The following FANCA variants were observed in gnomAD, a reference collection of about 807,000 sequenced individuals.
The protein encoded by FANCA is Fanconi anemia group A protein.
Under a neutral mutation model 194.3 loss-of-function variants are expected in FANCA, and 236 were observed. The ratio of observed to expected loss-of-function variants is 1.21; its 90% CI spans 1.09 to 1.35. FANCA has a LOEUF of 1.35. FANCA is among the 40% of genes most tolerant of loss of function. The pLI, the probability that FANCA is intolerant of heterozygous loss-of-function variation, is 0.00. For missense variants in FANCA, 2,628 were observed against 1,813.9 expected (o/e 1.45, Z -8.15); for synonymous variants, 1,014 against 715.8 (o/e 1.42, Z -6.65).
At chr16:89,769,157 G>C (rs2039234040) in intron 26 of FANCA, among the ~76,000 whole-genome samples, 2 of 152,224 alleles carry the variant, frequency 1.3e-5, no homozygotes, top group South Asian at 2.1e-4. Flanking sequence ...TCCCGCACAG[G>C]GTCTCCGGCA....
chr16:89,778,858 A>G lies in FANCA; in HGVS notation c.1777-8T>C. On this transcript the variant is annotated splice_polypyrimidine_tract_variant and splice_region_variant and intron_variant, in intron 19 of 42. Transcript: ENST00000389301. Reference sequence around the variant, plus strand: ...GTCAGGGACTTTGGGGAGCTGTGGGAAGAGAAGAGACCTGTGAGAGACTGA... The same window carrying G: ...GTCAGGGACTTTGGGGAGCTGTGGGGAGAGAAGAGACCTGTGAGAGACTGA... 1 of 1,614,012 alleles carries G rather than the reference A, an allele frequency of 6.2e-7. No homozygotes were observed.
intron 8 of FANCA, among the ~76,000 whole-genome samples, chr16:89,800,473 C>T (rs562423457): frequency 6.6e-6 from 1 of 152,266 alleles, no homozygotes; most frequent in Non-Finnish European, 1.5e-5. Flanking sequence ...AAATTTGGGA[C>T]GTATCCAAAA....
At position 89,740,157 on chromosome 16, in the gene FANCA, GA is replaced by G. The variant is rs1351452695; in HGVS notation, c.3829-59del. The G allele has an allele frequency of 3.0e-6, 4 of 1,351,156 alleles. No individual in the cohort carries two copies. The East Asian group carries it at 6.9e-5, about 23-fold the overall frequency. The allele number at this position is 1,351,156 out of a possible 1,614,324, so 83.7% of individuals were successfully genotyped here. A position where few individuals can be genotyped will look rare whatever the true frequency, so the allele number is the denominator to read the frequency against. On this transcript the variant is annotated intron_variant, in intron 38 of 42. Coordinates refer to ENST00000389301, the MANE Select transcript of FANCA (RefSeq NM_000135.4). ...GCCGACCTGGTGCTCCCATGGGTAG[GA>G]GGGTACAGCCCTCAGCACAGAAGAG...
chr16:89,808,279 T>C lies in FANCA; in HGVS notation c.596+15A>G. The C allele has an allele frequency of 1.9e-6, 3 of 1,612,564 alleles. No homozygotes were observed. The highest frequency in any genetic ancestry group is 2.5e-6 in the Non-Finnish European group (3 of 1,178,590). On this transcript the variant is annotated intron_variant, in intron 6 of 42. Coordinates refer to ENST00000389301, the MANE Select transcript of FANCA (RefSeq NM_000135.4). ...CTGCAAAAACAGTAACACTGAATCA[T>C]CATTAGCACGCTACCTTTCCAGCAG...
At chr16:89,770,327 C>G in intron 24 of FANCA, 68 bp from the exon 25 acceptor site, 6 of 1,383,896 alleles carry the variant, frequency 4.3e-6, no homozygotes, top group Non-Finnish European at 6.0e-6. Flanking sequence ...AACAGCTAAT[C>G]CAACCACCAG....
intron 33 of FANCA, among the ~76,000 whole-genome samples, chr16:89,747,256 C>G (rs1408001085): frequency 6.6e-6 from 1 of 152,228 alleles, no homozygotes; most frequent in African/African-American, 2.4e-5. Context: ...CCTTCACTAA[C>G]CAAGTGCTGT....
chr16:89,787,761 C>T (rs545769228), intron 14 of FANCA, among the ~76,000 whole-genome samples: 1 of 151,854 alleles, frequency 6.6e-6, no homozygotes, highest in Non-Finnish European at 1.5e-5. Context: ...AAAAACCCCA[C>T]AAATTACATT....
At chr16:89,785,245 G>C (rs980046020) in intron 14 of FANCA, among the ~76,000 whole-genome samples, 1 of 152,212 alleles carries the variant, frequency 6.6e-6, no homozygotes, top group African/African-American at 2.4e-5. Flanking sequence ...TGACTGAAGA[G>C]ATATCTAAAA....
At position 89,739,474 on chromosome 16, in the gene FANCA, G is replaced by A. The variant is rs1206285832; in HGVS notation, c.4010+4C>T. 2 of 1,551,520 alleles carry A rather than the reference G, an allele frequency of 1.3e-6. No homozygotes were observed. Among genetic ancestry groups the A allele is most frequent in the South Asian group, 2.4e-5 (2 of 84,198 alleles). On this transcript the variant is annotated splice_donor_region_variant and intron_variant, in intron 40 of 42. Coordinates refer to ENST00000389301, the MANE Select transcript of FANCA (RefSeq NM_000135.4). The stretch of plus-strand genomic sequence containing the variant: ...GCCCTGACCAGCCCTGTGGGTGGAG[G>A]TACCTGTAAAAAGCGAAAGGCAGCA...
At chr16:89,788,289 C>G (rs1478583092) in intron 14 of FANCA, among the ~76,000 whole-genome samples, 3 of 151,872 alleles carry the variant, frequency 2.0e-5, no homozygotes, top group Non-Finnish European at 4.4e-5. Context: ...GGTGAGACCC[C>G]ATCTCTACCA....
At chr16:89,807,126 T>C (rs2040685545) in intron 6 of FANCA, among the ~76,000 whole-genome samples, 1 of 152,218 alleles carries the variant, frequency 6.6e-6, no homozygotes, top group Non-Finnish European at 1.5e-5. Context: ...CTGGCCATTT[T>C]TGCTTCATAG....
At chr16:89,752,697 C>G (rs956746512) in intron 30 of FANCA, among the ~76,000 whole-genome samples, 9 of 152,180 alleles carry the variant, frequency 5.9e-5, no homozygotes, top group Non-Finnish European at 1.2e-4. Flanking sequence ...AGGGGATATA[C>G]TGAGGTGTGA....
At chr16:89,805,435 CCAT>C in intron 6 of FANCA, 43 bp from the exon 7 acceptor site, 1 of 1,500,072 alleles carries the variant, frequency 6.7e-7, no homozygotes, top group South Asian at 1.1e-5. Context: ...CAACTAAATC[CCAT>C]CATCAGGGGA....
In FANCA at chr16:89,783,190, G is replaced by T. The variant is rs1392890353; in HGVS notation, c.1471-88C>A. ...CCACAATTCACTTCCAACATCCACA[G>T]TGCTGAGTAGAGAAACACAGCCCTT... is the stretch of plus-strand genomic sequence containing the variant. On this transcript the variant is annotated intron_variant, in intron 15 of 42. Transcript: ENST00000389301. 4.3e-6 allele frequency: 4 copies of T among 924,736 alleles called. No individual in the cohort carries two copies. The East Asian group carries it at 1.0e-4, about 23-fold the overall frequency. 57.3% of individuals were successfully genotyped at this position (924,736 alleles called of 1,614,324 possible).
chr16:89,797,190 G>C (rs761412512), intron 10 of FANCA, among the ~76,000 whole-genome samples: 1 of 151,804 alleles, frequency 6.6e-6, no homozygotes, highest in Non-Finnish European at 1.5e-5. Context: ...AATTAGCCAG[G>C]CATGGTGGCA....
intron 11 of FANCA, among the ~76,000 whole-genome samples, chr16:89,794,788 G>A (rs1290175097): frequency 1.3e-5 from 2 of 152,108 alleles, no homozygotes; most frequent in East Asian, 3.9e-4. Context: ...CTGATATCTT[G>A]GGTACAGTCT....
chr16:89,779,849 T>G lies in FANCA; in HGVS notation c.1715+20A>C. The G allele has an allele frequency of 5.0e-6, 8 of 1,609,856 alleles. No homozygotes were observed. Among genetic ancestry groups the G allele is most frequent in the Non-Finnish European group, 6.8e-6 (8 of 1,177,108 alleles). On this transcript the variant is annotated intron_variant, in intron 18 of 42. Coordinates refer to ENST00000389301, the MANE Select transcript of FANCA (RefSeq NM_000135.4). Reference sequence around the variant, plus strand: ...GCACACACTGCAGCTGCTAGAGGCCTTTTCGGCAGCCCAGCCTACCTGGCC... The same window carrying G: ...GCACACACTGCAGCTGCTAGAGGCCGTTTCGGCAGCCCAGCCTACCTGGCC...
At chr16:89,772,818 C>CAA (rs57304619) in intron 22 of FANCA, among the ~76,000 whole-genome samples, 1 of 139,592 alleles carries the variant, frequency 7.2e-6, no homozygotes, top group African/African-American at 2.6e-5. Flanking sequence ...GACTCTGTCT[C>CAA]AAAAAAAAAA....
chr16:89,758,076 C>G (rs1321133472), intron 30 of FANCA, among the ~76,000 whole-genome samples: 1 of 152,114 alleles, frequency 6.6e-6, no homozygotes, highest in Non-Finnish European at 1.5e-5. Context: ...AGGCTGGTCT[C>G]TAACTCCTGA....
Sources: allele counts gnomAD v4.1 joint callset (sites outside exome capture counted in the v4.1 genomes callset), GRCh38; gene constraint gnomAD v4.1.1; transcripts MANE v1.5; gene names NCBI Gene and HGNC (gene_info 2026-07-23, HGNC 2026-07-21).